The following ASCC3 variants were observed in gnomAD, a reference collection of about 807,000 sequenced individuals.
The protein encoded by ASCC3 is ASC-1 complex subunit P200.
Under a neutral mutation model 256.3 loss-of-function variants are expected in ASCC3, and 158 were observed. That is an observed-to-expected ratio of 0.62 (90% CI 0.54 to 0.70). The LOEUF is 0.70. Ranked by LOEUF, ASCC3 falls within the 30% of genes least tolerant of loss-of-function variation. The pLI is 0.00. For missense variants in ASCC3, 2,259 were observed against 2,626.0 expected (o/e 0.86, Z 3.05); for synonymous variants, 948 against 883.4 (o/e 1.07, Z -1.30).
chr6:100,539,771 AT>A (rs556649964), intron 37 of ASCC3, among the ~76,000 whole-genome samples: 255 of 151,990 alleles, frequency 1.7e-3, no homozygotes, highest in African/African-American at 6.0e-3. Context: ...ACCATTCTTT[AT>A]TTTTTTTAAA....
At chr6:100,688,568 C>A (rs1228691171) in intron 13 of ASCC3, among the ~76,000 whole-genome samples, 1 of 152,160 alleles carries the variant, frequency 6.6e-6, no homozygotes, top group Admixed American at 6.5e-5. Context: ...CTTCCAGATA[C>A]AAGTGCTGTG....
chr6:100,543,213 A>C (rs1775547778), intron 36 of ASCC3, among the ~76,000 whole-genome samples: 1 of 124,762 alleles, frequency 8.0e-6, no homozygotes, highest in Non-Finnish European at 1.9e-5. Flanking sequence ...ATTACTTATA[A>C]TACTTAATAC....
intron 8 of ASCC3, among the ~76,000 whole-genome samples, chr6:100,798,390 A>T (rs1009316615): frequency 6.6e-6 from 1 of 152,072 alleles, no homozygotes; most frequent in Non-Finnish European, 1.5e-5. Flanking sequence ...TAGGTTGATC[A>T]TTTGATATAA....
intron 11 of ASCC3, among the ~76,000 whole-genome samples, chr6:100,721,554 C>T (rs1358012615): frequency 6.6e-6 from 1 of 151,630 alleles, no homozygotes; most frequent in Non-Finnish European, 1.5e-5. Flanking sequence ...CTTCATCATA[C>T]TTCATCTGTG....
chr6:100,777,188 A>C (rs971352257), intron 8 of ASCC3, among the ~76,000 whole-genome samples: 1 of 152,106 alleles, frequency 6.6e-6, no homozygotes, highest in African/African-American at 2.4e-5. Context: ...TAACTGGATA[A>C]ATTTTTTCAT....
At chr6:100,514,689 CAT>C (rs1773934495) in intron 39 of ASCC3, among the ~76,000 whole-genome samples, 2 of 151,974 alleles carry the variant, frequency 1.3e-5, no homozygotes, top group Admixed American at 6.6e-5. Flanking sequence ...ACCAGCCAAA[CAT>C]ATTTATCTGA....
chr6:100,529,222 T>C (rs1418662464), intron 37 of ASCC3, among the ~76,000 whole-genome samples: 2 of 152,146 alleles, frequency 1.3e-5, no homozygotes, highest in Non-Finnish European at 2.9e-5. Context: ...CCTTTTATTA[T>C]AGGGCTATCT....
At chr6:100,687,954 T>TA (rs980625211) in intron 13 of ASCC3, among the ~76,000 whole-genome samples, 3 of 149,714 alleles carry the variant, frequency 2.0e-5, no homozygotes, top group African/African-American at 4.9e-5. Flanking sequence ...CATAACCTCA[T>TA]AAAAAATTAT....
intron 2 of ASCC3, among the ~76,000 whole-genome samples, chr6:100,865,407 G>C (rs1038613363): frequency 6.6e-6 from 1 of 152,140 alleles, no homozygotes; most frequent in East Asian, 1.9e-4. Context: ...CTCTAATACA[G>C]AGTAACTTGC....
Position 100,527,622 on chromosome 6 carries a change from C to A in ASCC3, c.5776-9480G>T, listed in dbSNP as rs1208622319. On this transcript the variant is annotated intron_variant, in intron 37 of 41. Coordinates refer to ENST00000369162, the MANE Select transcript of ASCC3 (RefSeq NM_006828.4). Reference sequence around the variant, plus strand: ...CCATGGCAATTCTACCTCCTGGCATCATAAAATATTCCTATGCTTTTTAAT... The same window carrying A: ...CCATGGCAATTCTACCTCCTGGCATAATAAAATATTCCTATGCTTTTTAAT... Among the ~76,000 whole-genome samples, 3 of 152,278 alleles carry A rather than the reference C, an allele frequency of 2.0e-5. No homozygotes were observed. In the East Asian group the frequency reaches 5.8e-4, roughly 29 times the overall value.
At chr6:100,798,963 A>G in intron 7 of ASCC3, 125 bp from the exon 8 acceptor site, 1 of 917,836 alleles carries the variant, frequency 1.1e-6, no homozygotes, top group Non-Finnish European at 1.6e-6. Flanking sequence ...AAATAAACTT[A>G]GCTAATTTAA....
At chr6:100,848,996 C>G (rs542386798) in intron 3 of ASCC3, among the ~76,000 whole-genome samples, 1 of 152,058 alleles carries the variant, frequency 6.6e-6, no homozygotes, top group Non-Finnish European at 1.5e-5. Flanking sequence ...GTCCCAGCTA[C>G]TCAGGAGGCT....
At chr6:100,850,836 T>A (rs551108428) in intron 3 of ASCC3, among the ~76,000 whole-genome samples, 4 of 152,194 alleles carry the variant, frequency 2.6e-5, no homozygotes, top group African/African-American at 9.6e-5. Flanking sequence ...CTATACATTT[T>A]ACTTATAACT....
At chr6:100,779,104 T>C (rs2114253733) in intron 8 of ASCC3, among the ~76,000 whole-genome samples, 1 of 152,286 alleles carries the variant, frequency 6.6e-6, no homozygotes, top group Admixed American at 6.5e-5. Flanking sequence ...CTTTCCTAAT[T>C]ACCAAGTGAT....
chr6:100,543,921 A>T (rs1205349439), intron 36 of ASCC3, among the ~76,000 whole-genome samples: 8 of 152,144 alleles, frequency 5.3e-5, no homozygotes, highest in Non-Finnish European at 1.0e-4. Flanking sequence ...TCAAGAACAC[A>T]GAGACTATTT....
At chr6:100,636,518 A>G (rs1465356599) in intron 25 of ASCC3, among the ~76,000 whole-genome samples, 1 of 152,134 alleles carries the variant, frequency 6.6e-6, no homozygotes, top group African/African-American at 2.4e-5. Flanking sequence ...AATAGCCTCT[A>G]AATGTTCGAG....
intron 37 of ASCC3, chr6:100,530,472 G>C: frequency 1.2e-6 from 1 of 800,926 alleles, no homozygotes; most frequent in Non-Finnish European, 2.3e-6. Flanking sequence ...GAAGAAGTTA[G>C]AACAACTGTA....
intron 4 of ASCC3, among the ~76,000 whole-genome samples, chr6:100,840,033 T>C (rs1013716053): frequency 1.3e-5 from 2 of 152,216 alleles, no homozygotes; most frequent in Admixed American, 6.5e-5. Context: ...ACAGGATTCT[T>C]GAGTTTTCCT....
chr6:100,661,097 C>T (rs748576830), intron 16 of ASCC3, among the ~76,000 whole-genome samples: 2 of 151,486 alleles, frequency 1.3e-5, no homozygotes, highest in African/African-American at 4.8e-5. Context: ...TATTTATATC[C>T]TACCTACTTT....
Sources: gnomAD v4.1 joint callset for allele counts (sites outside exome capture counted in the v4.1 genomes callset) on GRCh38, gnomAD v4.1.1 for gene constraint, MANE v1.5 for transcripts, NCBI Gene and HGNC (gene_info 2026-07-23, HGNC 2026-07-21) for gene names.